TNFAIP8: variants seen among roughly 807,000 people sequenced by gnomAD.
TNFAIP8 encodes TNF alpha induced protein 8, also known as tumor necrosis factor alpha-induced protein 8.
Under a neutral mutation model 13.3 loss-of-function variants are expected in TNFAIP8, and 7 were observed. That is an observed-to-expected ratio of 0.52 (90% CI 0.30 to 0.99). The LOEUF (loss-of-function observed/expected upper bound fraction) is 0.99. Among genes scored for constraint, TNFAIP8 ranks in the 50% least tolerant of loss-of-function variants. TNFAIP8 has a pLI of 0.07. For synonymous variants in TNFAIP8, 94 were observed against 87.6 expected, an observed-to-expected ratio of 1.07 and a Z score of -0.41; for missense variants, 258 against 236.9, an observed-to-expected ratio of 1.09 and a Z score of -0.58.
chr5:119,343,857 G>A lies in TNFAIP8; in HGVS notation c.2-48959G>A, dbSNP rs143937554. ...AAATAGACCAGCAGCAGCTGCCCCC[G>A]CTGTGTGACCACACAGGGTGTCATG... On this transcript the variant is annotated intron_variant, in intron 1 of 1. Coordinates refer to the TNFAIP8 transcript ENST00000274456. Among the ~76,000 whole-genome samples, 68 of 152,256 alleles carry A rather than the reference G, an allele frequency of 4.5e-4. 1 individual carries two copies. Among genetic ancestry groups the A allele is most frequent in the African/African-American group, 1.3e-3 (53 of 41,542 alleles).
chr5:119,293,957 CAT>C (rs1256697007), intron 1 of TNFAIP8, among the ~76,000 whole-genome samples: 2 of 152,168 alleles, frequency 1.3e-5, no homozygotes, highest in African/African-American at 4.8e-5. Flanking sequence ...ACTCTTGGGA[CAT>C]AATTTTACCT....
chr5:119,296,735 G>A (rs1200038137), intron 1 of TNFAIP8, among the ~76,000 whole-genome samples: 1 of 151,976 alleles, frequency 6.6e-6, no homozygotes, highest in African/African-American at 2.4e-5. Context: ...GGTAGAATTC[G>A]GCTGTGAATC....
chr5:119,268,778 G>T (rs1748166451), exon 1 of TNFAIP8: 4 of 674,566 alleles, frequency 5.9e-6, no homozygotes, highest in South Asian at 4.6e-5. Flanking sequence ...CTTTTCTCCC[G>T]CCGGCTCTAA....
chr5:119,277,128 T>G (rs926245290), intron 1 of TNFAIP8, among the ~76,000 whole-genome samples: 15 of 152,236 alleles, frequency 9.9e-5, no homozygotes, highest in South Asian at 4.1e-4. Context: ...TCTTGTATAC[T>G]GCACTCACCT....
At chr5:119,278,144 A>G (rs555611125) in intron 1 of TNFAIP8, among the ~76,000 whole-genome samples, 1 of 152,146 alleles carries the variant, frequency 6.6e-6, no homozygotes, top group Non-Finnish European at 1.5e-5. Context: ...AAAGACATTA[A>G]ATTGTCTTAT....
chr5:119,333,682 A>G (rs534098639), intron 1 of TNFAIP8: 1 of 1,388,198 alleles, frequency 7.2e-7, no homozygotes, highest in Non-Finnish European at 9.9e-7. Flanking sequence ...TCTTTGTTGA[A>G]ATCTGGTAAA....
chr5:119,333,394 G>A, intron 1 of TNFAIP8: 3 of 1,343,310 alleles, frequency 2.2e-6, no homozygotes, highest in Non-Finnish European at 1.9e-6. Context: ...AGTGACTGTA[G>A]TTGACCAGTG....
intron 1 of TNFAIP8, among the ~76,000 whole-genome samples, chr5:119,346,865 T>C (rs1405435924): frequency 6.6e-6 from 1 of 152,240 alleles, no homozygotes; most frequent in Non-Finnish European, 1.5e-5. Context: ...AAATCATGTC[T>C]TTTTCAGCAA....
chr5:119,275,419 G>T (rs1748409972), intron 1 of TNFAIP8, among the ~76,000 whole-genome samples: 1 of 152,126 alleles, frequency 6.6e-6, no homozygotes, highest in African/African-American at 2.4e-5. Context: ...TACTGAACTG[G>T]GATGGGCATC....
chr5:119,357,404 A>C (rs996168906), intron 1 of TNFAIP8, among the ~76,000 whole-genome samples: 2 of 152,108 alleles, frequency 1.3e-5, no homozygotes, highest in Admixed American at 1.3e-4. Flanking sequence ...CAGTTTATTC[A>C]AAGTCAAAGG....
Position 119,397,356 on chromosome 5 carries a change from A to G in TNFAIP8, c.*3975A>G, listed in dbSNP as rs1247498862. 6.6e-6 allele frequency: 1 copy of G among 152,258 alleles called. No individual in the cohort carries two copies. The highest frequency in any genetic ancestry group is 1.5e-5 in the Non-Finnish European group (1 of 68,040). 9.4% of individuals were successfully genotyped at this position (152,258 alleles called of 1,614,324 possible). ...TGAAATATTTGTAGTAAAAAGTGCT[A>G]TTCAATTGCCAGGAAATTAAAATAC... On this transcript the variant is annotated 3_prime_UTR_variant, in exon 2 of 2. Transcript: ENST00000504771.
At chr5:119,322,245 C>T (rs1214574978) in intron 1 of TNFAIP8, among the ~76,000 whole-genome samples, 1 of 152,204 alleles carries the variant, frequency 6.6e-6, no homozygotes, top group Non-Finnish European at 1.5e-5. Flanking sequence ...TTTGTTAGAA[C>T]TTTTGTCACT....
At chr5:119,349,291 T>A (rs1372633368) in intron 1 of TNFAIP8, among the ~76,000 whole-genome samples, 1 of 152,242 alleles carries the variant, frequency 6.6e-6, no homozygotes, top group African/African-American at 2.4e-5. Context: ...CATGATTATA[T>A]TTGGAAAAGT....
intron 1 of TNFAIP8, among the ~76,000 whole-genome samples, chr5:119,360,783 TGGG>T (rs1247653241): frequency 1.3e-5 from 2 of 152,222 alleles, no homozygotes; most frequent in African/African-American, 2.4e-5. Context: ...CACTACCTCT[TGGG>T]GGGATTTATA....
At chr5:119,310,264 A>G (rs1203061388) in intron 1 of TNFAIP8, among the ~76,000 whole-genome samples, 2 of 151,938 alleles carry the variant, frequency 1.3e-5, no homozygotes, top group African/African-American at 4.8e-5. Context: ...GCTGGTAGAC[A>G]CTGGGCTGAG....
At chr5:119,297,739 C>CT (rs1749223371) in intron 1 of TNFAIP8, among the ~76,000 whole-genome samples, 1 of 152,164 alleles carries the variant, frequency 6.6e-6, no homozygotes, top group Admixed American at 6.5e-5. Flanking sequence ...GTGTGGGAGT[C>CT]TAAGTCTCTT....
At chr5:119,311,352 G>T (rs1039076601) in intron 1 of TNFAIP8, among the ~76,000 whole-genome samples, 1 of 151,338 alleles carries the variant, frequency 6.6e-6, no homozygotes, top group Admixed American at 6.6e-5. Context: ...GAAACAAAAG[G>T]TTGAAATGGC....
At chr5:119,279,238 G>A (rs182001758) in intron 1 of TNFAIP8, among the ~76,000 whole-genome samples, 105 of 152,288 alleles carry the variant, frequency 6.9e-4, no homozygotes, top group African/African-American at 2.5e-3. Flanking sequence ...TTTACACTCT[G>A]GTGGCTCAGC....
At chr5:119,340,497 G>A (rs573310421) in intron 1 of TNFAIP8, among the ~76,000 whole-genome samples, 1 of 152,324 alleles carries the variant, frequency 6.6e-6, no homozygotes, top group East Asian at 1.9e-4. Flanking sequence ...TCTATTAATA[G>A]TTCCTCTTAA....
Sources: gnomAD v4.1 joint callset for allele counts (sites outside exome capture counted in the v4.1 genomes callset) on GRCh38, gnomAD v4.1.1 for gene constraint, MANE v1.5 for transcripts, NCBI Gene and HGNC (gene_info 2026-07-23, HGNC 2026-07-21) for gene names.